Variants in HIVEP3 observed in about 807,000 individuals in gnomAD.
The protein encoded by HIVEP3 is transcription factor HIVEP3.
HIVEP3 carries 49 observed loss-of-function variants against 152.8 expected under a neutral mutation model. The observed-to-expected ratio is 0.32, with a 90% CI of 0.26 to 0.41. The LOEUF is 0.41. HIVEP3 is among the 10% of genes least tolerant of loss of function. The pLI is 1.00. For synonymous variants in HIVEP3, 1,269 were observed against 1,289.0 expected, an observed-to-expected ratio of 0.98 and a Z score of 0.33; for missense variants, 2,790 against 3,103.3, an observed-to-expected ratio of 0.90 and a Z score of 2.40.
At chr1:41,594,525 A>G (rs1263217509) in intron 3 of HIVEP3, among the ~76,000 whole-genome samples, 1 of 152,202 alleles carries the variant, frequency 6.6e-6, no homozygotes, top group Non-Finnish European at 1.5e-5. Context: ...CCTGGCCGAT[A>G]TCTTATGTTT....
Position 41,581,038 on chromosome 1 carries a change from C to T in HIVEP3, c.3760G>A (p.Val1254Met), listed in dbSNP as rs748430429. Residue 1254 changes from valine to methionine, a missense_variant, in exon 4 of 9, where the codon GTG becomes ATG. Transcript: ENST00000372583. This position sits in a 1 kb window ranked among gnomAD's most constrained non-coding sequence, Gnocchi z 4.5. ...SQFALQLPGD[V>M]ESHLPQIKTS... ...TTGATCTGGGGCAGATGGCTTTCCA[C>T]ATCACCAGGGAGCTGAAGTGCAAAC... The T allele has an allele frequency of 6.4e-7, 1 of 1,559,184 alleles. No homozygotes were observed. Among genetic ancestry groups the T allele is most frequent in the South Asian group, 1.2e-5 (1 of 81,194 alleles).
intron 1 of HIVEP3, among the ~76,000 whole-genome samples, chr1:42,027,560 T>C (rs1290088504): frequency 6.6e-6 from 1 of 152,196 alleles, no homozygotes; most frequent in Non-Finnish European, 1.5e-5. Context: ...CACAATGTCC[T>C]CCTTGCTGTT....
rs117038661 is a variant in HIVEP3 at position 41,649,018 on chromosome 1, C to T, written c.-720-20071G>A. 3.9e-4 allele frequency among the ~76,000 whole-genome samples: 59 copies of T among 152,302 alleles called. No homozygotes were observed. In the East Asian group the frequency reaches 8.5e-3, roughly 22 times the overall value. ...ACAGCAGAGCCTGTGTGGATTTATT[C>T]GAGAAGGCATAGACCTGCTTTGGAT... is the stretch of plus-strand genomic sequence containing the variant. On this transcript the variant is annotated intron_variant, in intron 2 of 8. Coordinates refer to ENST00000372583, the MANE Select transcript of HIVEP3 (RefSeq NM_024503.5).
At chr1:41,889,440 T>C (rs562540989) in intron 1 of HIVEP3, among the ~76,000 whole-genome samples, 1 of 152,232 alleles carries the variant, frequency 6.6e-6, no homozygotes, top group Non-Finnish European at 1.5e-5. Flanking sequence ...GCCACTGCCA[T>C]TCCAGACCTA....
intron 1 of HIVEP3, among the ~76,000 whole-genome samples, chr1:41,777,769 C>T (rs543342396): frequency 3.3e-5 from 5 of 152,230 alleles, no homozygotes; most frequent in Non-Finnish European, 7.3e-5. Flanking sequence ...TAGTATCAGG[C>T]GCTTTCCTAC....
At chr1:41,840,375 C>A (rs1334451797) in intron 1 of HIVEP3, among the ~76,000 whole-genome samples, 1 of 152,154 alleles carries the variant, frequency 6.6e-6, no homozygotes. Context: ...GTGATGACAA[C>A]AGAGGCCGAG....
At chr1:41,832,406 C>A (rs1642989645) in intron 1 of HIVEP3, among the ~76,000 whole-genome samples, 1 of 152,164 alleles carries the variant, frequency 6.6e-6, no homozygotes, top group African/African-American at 2.4e-5. Flanking sequence ...TGGTGTGCCC[C>A]TATAGTCCCA....
intron 2 of HIVEP3, among the ~76,000 whole-genome samples, chr1:41,629,641 A>G (rs1369415548): frequency 6.6e-6 from 1 of 152,240 alleles, no homozygotes; most frequent in Non-Finnish European, 1.5e-5. Flanking sequence ...TCTCAAAACA[A>G]GACATACAAG....
chr1:41,815,061 T>G lies in HIVEP3; in HGVS notation c.-801+103352A>C, dbSNP rs1037865048. Among the ~76,000 whole-genome samples the G allele has an allele frequency of 3.3e-5, 5 of 152,294 alleles. No homozygotes were observed. In the East Asian group the frequency reaches 9.6e-4, roughly 29 times the overall value. ...ATAAGATGGTTCAGGTAAGAGGTGC[T>G]ATGAAGAAAGTAAAACAGGATGGCC... On this transcript the variant is annotated intron_variant, in intron 1 of 8. Transcript: ENST00000372583.
chr1:41,769,285 G>T (rs1046724304), intron 1 of HIVEP3, among the ~76,000 whole-genome samples: 2 of 152,172 alleles, frequency 1.3e-5, no homozygotes, highest in Non-Finnish European at 2.9e-5. Flanking sequence ...CCAACCCTAC[G>T]GGGGGTTAGT....
At chr1:41,615,584 G>A (rs1190228807) in intron 3 of HIVEP3, among the ~76,000 whole-genome samples, 1 of 152,242 alleles carries the variant, frequency 6.6e-6, no homozygotes, top group Non-Finnish European at 1.5e-5. Context: ...TGGACATTTA[G>A]ATGTAACCAA....
At chr1:41,636,806 A>G (rs1308477515) in intron 2 of HIVEP3, among the ~76,000 whole-genome samples, 2 of 152,212 alleles carry the variant, frequency 1.3e-5, no homozygotes, top group African/African-American at 4.8e-5. Context: ...TAAAAATACA[A>G]AAATTAGCCC....
chr1:41,902,659 G>A (rs1332791835), intron 1 of HIVEP3, among the ~76,000 whole-genome samples: 1 of 152,312 alleles, frequency 6.6e-6, no homozygotes, highest in South Asian at 2.1e-4. Context: ...TGGGCACACA[G>A]AAGTGGCCGA....
intron 5 of HIVEP3, among the ~76,000 whole-genome samples, chr1:41,555,044 G>C (rs540247714): frequency 6.6e-6 from 1 of 152,202 alleles, no homozygotes; most frequent in African/African-American, 2.4e-5. Context: ...AGACAGGGAC[G>C]CTTAAGTCTG....
chr1:41,557,777 G>T (rs1643990781), intron 5 of HIVEP3, among the ~76,000 whole-genome samples: 1 of 152,214 alleles, frequency 6.6e-6, no homozygotes, highest in African/African-American at 2.4e-5. Flanking sequence ...TTTTGGGGAA[G>T]AAAGAGAATA....
intron 1 of HIVEP3, among the ~76,000 whole-genome samples, chr1:41,886,712 C>CAAAAAA (rs71062602): frequency 5.8e-4 from 51 of 87,770 alleles, no homozygotes; most frequent in Middle Eastern, 6.8e-3. Flanking sequence ...AACTCCATTT[C>CAAAAAA]AAAAAAAAAA....
chr1:41,602,575 T>G (rs527324061), intron 3 of HIVEP3, among the ~76,000 whole-genome samples: 1 of 152,264 alleles, frequency 6.6e-6, no homozygotes, highest in Non-Finnish European at 1.5e-5. Context: ...TGGCATCAGT[T>G]GTGATGTCTC....
intron 1 of HIVEP3, among the ~76,000 whole-genome samples, chr1:41,745,287 C>T (rs1647055163): frequency 6.6e-6 from 1 of 152,142 alleles, no homozygotes; most frequent in Admixed American, 6.5e-5. Flanking sequence ...AAAAGCAGCC[C>T]TAAGGTGGGA....
At chr1:41,834,297 C>T (rs1557429475) in intron 1 of HIVEP3, among the ~76,000 whole-genome samples, 1 of 152,188 alleles carries the variant, frequency 6.6e-6, no homozygotes, top group Non-Finnish European at 1.5e-5. Context: ...TGTGAGTAAA[C>T]CACTCTCTCA....
Sources: allele counts gnomAD v4.1 joint callset (sites outside exome capture counted in the v4.1 genomes callset), GRCh38; gene constraint gnomAD v4.1.1; non-coding constraint Gnocchi (gnomAD v3.1); transcripts MANE v1.5; gene names NCBI Gene and HGNC (gene_info 2026-07-23, HGNC 2026-07-21).